Variants in ZNF91 observed in about 807,000 individuals in gnomAD.
The protein encoded by ZNF91 is zinc finger protein 91.
A neutral mutation model predicts 12.6 loss-of-function variants in ZNF91; 7 were observed. That is an observed-to-expected ratio of 0.55 (90% CI 0.31 to 1.04). The LOEUF (loss-of-function observed/expected upper bound fraction) is 1.04, where lower values mean the gene tolerates loss of function less well. Among genes scored for constraint, ZNF91 ranks in the 50% least tolerant of loss-of-function variants. ZNF91 has a pLI of 0.05. For synonymous variants in ZNF91, 453 were observed against 462.6 expected (o/e 0.98, Z 0.27); for missense variants, 1,217 against 1,385.4 (o/e 0.88, Z 1.93).
rs201345755 is a variant in ZNF91, at chr19:23,360,336, A to C, written c.2643T>G (p.Pro881=). 1,691 of 1,612,458 alleles carry C rather than the reference A, an allele frequency of 1.0e-3. 6 individuals carry two copies. Among genetic ancestry groups the C allele is most frequent in the Middle Eastern group, 3.3e-3 (20 of 6,040 alleles). The change falls in exon 4 of 4, where the codon CCT becomes CCG. Residue 881 remains proline (P), a synonymous_variant. Transcript: ENST00000300619. Reference sequence around the variant, plus strand: ...CTTTGTCACATTCTTCACTCTTGGAAGGTTTCTCTTTAGTATGAATTATCT... The same window carrying C: ...CTTTGTCACATTCTTCACTCTTGGACGGTTTCTCTTTAGTATGAATTATCT... ...THKIIHTKEK[P]SKSEECDKAF...
At chr19:23,356,603 G>A (rs1319180105), downstream of ZNF91, among the ~76,000 whole-genome samples, 2 of 152,230 alleles carry the variant, frequency 1.3e-5, no homozygotes, top group East Asian at 3.9e-4. Flanking sequence ...GAAAGGGGAA[G>A]GGATAAAATA....
At chr19:23,377,048 C>G (rs1441617355) in intron 1 of ZNF91, among the ~76,000 whole-genome samples, 1 of 152,134 alleles carries the variant, frequency 6.6e-6, no homozygotes, top group Non-Finnish European at 1.5e-5. Flanking sequence ...GAACAATGAG[C>G]TGCTCCACAG....
At chr19:23,334,423 C>T (rs1967971011), downstream of ZNF91, among the ~76,000 whole-genome samples, 1 of 152,146 alleles carries the variant, frequency 6.6e-6, no homozygotes, top group African/African-American at 2.4e-5. Context: ...TGAAAAAAGA[C>T]AATGTGTTCA....
chr19:23,361,068 T>C lies in ZNF91; in HGVS notation c.1911A>G (p.Lys637=), dbSNP rs1352536067. ...EKPYKCEECG[K]AFSHSSALAK... is the part of the protein sequence containing the mutation. ...CAAGGGCTGAAGAATGGCTAAAAGC[T>C]TTGCCACATTCTTCACATTTGTAGG... Residue 637 remains lysine, a synonymous_variant, in exon 4 of 4, where the codon AAA becomes AAG. Coordinates refer to ENST00000300619, the MANE Select transcript of ZNF91 (RefSeq NM_003430.4). 5.0e-6 allele frequency: 8 copies of C among 1,607,098 alleles called. No homozygotes were observed. The African/African-American group carries it at 1.1e-4, about 22-fold the overall frequency.
At chr19:23,370,651 C>T (rs1048366964) in intron 3 of ZNF91, among the ~76,000 whole-genome samples, 1 of 152,084 alleles carries the variant, frequency 6.6e-6, no homozygotes, top group African/African-American at 2.4e-5. Flanking sequence ...CAGGTACACA[C>T]CATCATGCCT....
At chr19:23,341,161 C>T (rs1424023331) in intron 3 of ZNF91, among the ~76,000 whole-genome samples, 1 of 150,976 alleles carries the variant, frequency 6.6e-6, no homozygotes, top group Admixed American at 6.7e-5. Flanking sequence ...AGCAATTCTT[C>T]TGTGTCAGCC....
chr19:23,317,316 G>C (rs191137743), intron 1 of ZNF91, among the ~76,000 whole-genome samples: 1 of 152,234 alleles, frequency 6.6e-6, no homozygotes, highest in African/African-American at 2.4e-5. Flanking sequence ...CCAAAGTGCT[G>C]AGATTACAGG....
rs200697431 is a variant in ZNF91, at chr19:23,360,185, G to C, written c.2794C>G (p.His932Asp). 6.1e-5 allele frequency: 99 copies of C among 1,613,884 alleles called. No individual in the cohort carries two copies. Among genetic ancestry groups the C allele is most frequent in the Non-Finnish European group, 7.6e-5 (90 of 1,180,008 alleles). Residue 932 changes from histidine (H) to aspartate (D), a missense_variant, in exon 4 of 4, where the codon CAC becomes GAC. His to Asp is a moderately conservative substitution (Grantham distance 81). Transcript: ENST00000300619. ...CATTTGTAGGGTTTCTCTCCAGTGT[G>C]CATCCTCTTATGTGTAGTAAGGTGT... Reference protein sequence around the residue: ...PSHLTTHKRMHTGEKPYKCEE... With the variant: ...PSHLTTHKRMDTGEKPYKCEE...
intron 1 of ZNF91, chr19:23,324,893 T>G (rs1967809250): frequency 6.6e-6 from 1 of 151,994 alleles, no homozygotes; most frequent in African/African-American, 2.4e-5. Context: ...TCCGCCCTTT[T>G]CATAGAGCGC....
At chr19:23,331,086 G>T (rs1013432775) in intron 1 of ZNF91, among the ~76,000 whole-genome samples, 1 of 152,174 alleles carries the variant, frequency 6.6e-6, no homozygotes, top group African/African-American at 2.4e-5. Flanking sequence ...GTTGGGTGAT[G>T]TAAGTTTTCC....
intron 1 of ZNF91, among the ~76,000 whole-genome samples, chr19:23,392,077 T>A (rs887905422): frequency 2.6e-5 from 4 of 152,186 alleles, no homozygotes; most frequent in African/African-American, 9.6e-5. Context: ...TATTATGTTA[T>A]TATTTGTATC....
At position 23,373,781 on chromosome 19, in the gene ZNF91, A is replaced by G; in HGVS notation, c.214T>C (p.Trp72Arg). The change falls in exon 3 of 4, where the codon TGG (tryptophan) becomes CGG (arginine). Residue 72 changes from tryptophan to arginine, a missense_variant. Transcript: ENST00000300619. ...ITYLEQGKEPWNMKQHEMVDE... is the reference protein window; with the variant it reads ...ITYLEQGKEPRNMKQHEMVDE... ...ACCATCTCATGTTGCTTCATATTCC[A>G]GGGCTCTTTTCCTTGCTCCAGATAA... 6.2e-7 allele frequency: 1 copy of G among 1,611,704 alleles called. No homozygotes were observed. The highest frequency in any genetic ancestry group is 1.7e-4 in the Middle Eastern group (1 of 6,046).
intron 1 of ZNF91, among the ~76,000 whole-genome samples, chr19:23,387,806 G>T (rs1969923977): frequency 6.6e-6 from 1 of 152,026 alleles, no homozygotes; most frequent in East Asian, 1.9e-4. Flanking sequence ...CGGGCATGGT[G>T]GTGGTGGGCA....
chr19:23,345,425 G>C (rs1375254004), intron 3 of ZNF91, among the ~76,000 whole-genome samples: 1 of 152,152 alleles, frequency 6.6e-6, no homozygotes, highest in African/African-American at 2.4e-5. Flanking sequence ...CGGAACATTG[G>C]ACTTTACAAT....
chr19:23,392,690 C>G (rs1970105963), intron 1 of ZNF91, among the ~76,000 whole-genome samples: 1 of 151,874 alleles, frequency 6.6e-6, no homozygotes, highest in African/African-American at 2.4e-5. Context: ...TACTGGGGAG[C>G]TGAGACAGGA....
intron 3 of ZNF91, among the ~76,000 whole-genome samples, chr19:23,368,232 C>G (rs1425198627): frequency 6.6e-6 from 1 of 151,996 alleles, no homozygotes; most frequent in Non-Finnish European, 1.5e-5. Flanking sequence ...AGAGGGGAGG[C>G]AGGGCACTGT....
At chr19:23,371,562 A>T (rs1285948954) in intron 3 of ZNF91, among the ~76,000 whole-genome samples, 1 of 152,238 alleles carries the variant, frequency 6.6e-6, no homozygotes, top group Non-Finnish European at 1.5e-5. Context: ...AAGTAAAACC[A>T]AAAAACAATA....
intron 1 of ZNF91, chr19:23,328,654 G>A (rs1423881786): frequency 6.6e-6 from 1 of 152,202 alleles, no homozygotes; most frequent in Non-Finnish European, 1.5e-5. Flanking sequence ...CAGGTAGAAG[G>A]AAATAATGAT....
At chr19:23,317,194 C>T (rs559352446) in intron 1 of ZNF91, among the ~76,000 whole-genome samples, 15 of 152,182 alleles carry the variant, frequency 9.9e-5, no homozygotes, top group Admixed American at 2.6e-4. Context: ...TACAGGCACC[C>T]GCCACCATGC....
Sources: gnomAD v4.1 joint callset for allele counts (sites outside exome capture counted in the v4.1 genomes callset) on GRCh38, gnomAD v4.1.1 for gene constraint, MANE v1.5 for transcripts, NCBI Gene and HGNC (gene_info 2026-07-23, HGNC 2026-07-21) for gene names.